CC2D2B: variants seen among roughly 807,000 people sequenced by gnomAD.
CC2D2B encodes the protein coiled-coil and C2 domain containing 2B.
In CC2D2B, 128 loss-of-function variants were observed where a neutral mutation model predicts 161.2. The observed-to-expected ratio is 0.79, with a 90% CI of 0.69 to 0.92. The LOEUF is 0.92. Ranked by LOEUF, CC2D2B falls within the 40% of genes least tolerant of loss-of-function variation. The pLI is 0.00. For synonymous variants in CC2D2B, 391 were observed against 449.8 expected (o/e 0.87, Z 1.65); for missense variants, 1,173 against 1,375.1 (o/e 0.85, Z 2.32).
At chr10:95,989,574 C>T (rs2077868167) in intron 20 of CC2D2B, among the ~76,000 whole-genome samples, 1 of 152,176 alleles carries the variant, frequency 6.6e-6, no homozygotes, top group Non-Finnish European at 1.5e-5. Flanking sequence ...GAAAAGAGAA[C>T]ACATATCCTC....
rs762659987 is a variant in CC2D2B, at chr10:96,016,317, A to G, written c.3630+3A>G. The G allele has an allele frequency of 6.5e-7, 1 of 1,542,916 alleles. No individual in the cohort carries two copies. Among genetic ancestry groups the G allele is most frequent in the Non-Finnish European group, 9.0e-7 (1 of 1,115,094 alleles). ...TCTTGGGAACGTCAGTGTTAGAAGTAAGTGCTGGAGTTCATATTGAAATAA... is the reference window on the plus strand; with the variant it reads ...TCTTGGGAACGTCAGTGTTAGAAGTGAGTGCTGGAGTTCATATTGAAATAA... On this transcript the variant is annotated splice_donor_region_variant and intron_variant, in intron 30 of 34. Coordinates refer to ENST00000646931, the MANE Select transcript of CC2D2B (RefSeq NM_001349008.3).
intron 20 of CC2D2B, among the ~76,000 whole-genome samples, chr10:95,990,369 C>T (rs182243121): frequency 6.9e-4 from 105 of 152,170 alleles, no homozygotes; most frequent in African/African-American, 2.3e-3. Flanking sequence ...GACAAGGAAG[C>T]TAGCCATGGA....
chr10:96,027,237 G>C lies in CC2D2B; in HGVS notation c.3973G>C (p.Val1325Leu). The change falls in exon 34 of 35, where the codon GTG (valine) becomes CTG (leucine). Residue 1325 changes from valine to leucine, a missense_variant. Coordinates refer to ENST00000646931, the MANE Select transcript of CC2D2B (RefSeq NM_001349008.3). ...GATCGAAAGGACTCTGAAGAGTAAA[G>C]TGATGGAATGGCGACCTAAACACCC... is the stretch of plus-strand genomic sequence containing the variant. Reference protein sequence around the residue: ...NRIERTLKSKVMEWRPKHPTH... With the variant: ...NRIERTLKSKLMEWRPKHPTH... The C allele has an allele frequency of 1.3e-6, 2 of 1,546,086 alleles. No individual in the cohort carries two copies. The highest frequency in any genetic ancestry group is 2.4e-5 in the South Asian group (2 of 82,562).
At chr10:95,981,835 T>C in intron 17 of CC2D2B, 140 bp from the exon 18 acceptor site, 1 of 421,448 alleles carries the variant, frequency 2.4e-6, no homozygotes, top group Non-Finnish European at 4.0e-6. Flanking sequence ...TTCTATTCTA[T>C]CCATAAATAC....
chr10:95,966,199 T>C lies in CC2D2B; in HGVS notation c.1363T>C (p.Tyr455His), dbSNP rs1321898362. The change falls in exon 14 of 35, where the codon TAT becomes CAT. Residue 455 changes from tyrosine (Y) to histidine (H), a missense_variant. This residue lies in a region of CC2D2B where 277 missense variants were observed against 420.6 expected (regional missense o/e 0.66). Coordinates refer to ENST00000646931, the MANE Select transcript of CC2D2B (RefSeq NM_001349008.3). ...KNGKKLESLS[Y>H]LASDETEIER... ...ATTTTTTGATTTCTAGAGCCTCTCA[T>C]ATCTAGCTTCAGACGAAACAGAAAT... The C allele has an allele frequency of 7.5e-6, 9 of 1,207,404 alleles. No homozygotes were observed. Among genetic ancestry groups the C allele is most frequent in the Non-Finnish European group, 9.3e-6 (9 of 965,782 alleles). 74.8% of individuals were successfully genotyped at this position (1,207,404 alleles called of 1,614,324 possible). A position where few individuals can be genotyped will look rare whatever the true frequency, so the allele number is the denominator to read the frequency against.
intron 16 of CC2D2B, among the ~76,000 whole-genome samples, chr10:95,973,679 T>C (rs565281569): frequency 2.0e-5 from 3 of 151,914 alleles, no homozygotes; most frequent in African/African-American, 7.2e-5. Context: ...GCCAACATGG[T>C]AAAACCCCAT....
intron 20 of CC2D2B, among the ~76,000 whole-genome samples, chr10:95,989,224 C>CT (rs1288253727): frequency 6.6e-6 from 1 of 152,212 alleles, no homozygotes; most frequent in East Asian, 1.9e-4. Context: ...TCTTACTACC[C>CT]TGTGTGTCAC....
chr10:95,993,945 TGTATG>T, intron 22 of CC2D2B, among the ~76,000 whole-genome samples: 1 of 15,382 alleles, frequency 6.5e-5, no homozygotes, highest in East Asian at 3.7e-3. Context: ...TGTGTGTGTA[TGTATG>T]TGTATATATA....
chr10:95,921,747 C>T (rs1434352047), intron 2 of CC2D2B: 9 of 197,674 alleles, frequency 4.6e-5, no homozygotes, highest in East Asian at 2.1e-4. Context: ...TGTTCAATAA[C>T]GAGAACACAT....
At chr10:95,971,929 T>A (rs2077150917) in intron 15 of CC2D2B, 137 bp from the exon 16 acceptor site, 1 of 432,410 alleles carries the variant, frequency 2.3e-6, no homozygotes, top group African/African-American at 2.0e-5. Context: ...CTCATAATCA[T>A]GTGGATGAAA....
intron 15 of CC2D2B, among the ~76,000 whole-genome samples, chr10:95,971,186 C>G (rs540333676): frequency 6.6e-6 from 1 of 152,004 alleles, no homozygotes; most frequent in Non-Finnish European, 1.5e-5. Context: ...GTCAGGAGTT[C>G]GAGTTCAGCC....
rs74570765 is a variant in CC2D2B at position 96,022,943 on chromosome 10, A to G, written c.3889-1910A>G. 3.3e-5 allele frequency among the ~76,000 whole-genome samples: 5 copies of G among 152,336 alleles called. No homozygotes were observed. In the East Asian group the frequency reaches 7.7e-4, roughly 24 times the overall value. Reference sequence around the variant, plus strand: ...GAAGGGTGAGCAGGAGCTGGCCTAGATAAAAGTCAGGAATGAGAATGGTCC... The same window carrying G: ...GAAGGGTGAGCAGGAGCTGGCCTAGGTAAAAGTCAGGAATGAGAATGGTCC... On this transcript the variant is annotated intron_variant, in intron 32 of 34. Coordinates refer to ENST00000646931, the MANE Select transcript of CC2D2B (RefSeq NM_001349008.3).
intron 17 of CC2D2B, among the ~76,000 whole-genome samples, chr10:95,980,151 C>T (rs944103568): frequency 3.0e-5 from 4 of 133,662 alleles, no homozygotes; most frequent in Admixed American, 7.9e-5. Context: ...TAGAAATCTT[C>T]AATCGAAAAG....
chr10:96,018,528 A>G (rs1213556706), intron 30 of CC2D2B, among the ~76,000 whole-genome samples: 1 of 152,182 alleles, frequency 6.6e-6, no homozygotes, highest in East Asian at 1.9e-4. Context: ...ATTAGACAAA[A>G]GTGCCCTACC....
intron 33 of CC2D2B, among the ~76,000 whole-genome samples, chr10:96,025,611 T>G (rs1206884707): frequency 6.6e-6 from 1 of 152,146 alleles, no homozygotes; most frequent in Non-Finnish European, 1.5e-5. Flanking sequence ...TGACATCTGG[T>G]AAAAATGTCC....
At chr10:95,988,195 C>A in intron 19 of CC2D2B, 55 bp from the exon 20 acceptor site, 1 of 626,060 alleles carries the variant, frequency 1.6e-6, no homozygotes, top group South Asian at 8.1e-5. Context: ...TGCAATGTGT[C>A]ATATGTGAAC....
intron 24 of CC2D2B, among the ~76,000 whole-genome samples, chr10:96,003,511 C>G (rs1258750224): frequency 1.3e-5 from 2 of 151,816 alleles, no homozygotes; most frequent in Admixed American, 6.6e-5. Flanking sequence ...CTCCGCCTCC[C>G]GGGTTCAAGC....
At chr10:95,913,211 GTT>G (rs1298185779) in intron 2 of CC2D2B, among the ~76,000 whole-genome samples, 1 of 151,318 alleles carries the variant, frequency 6.6e-6, no homozygotes, top group Non-Finnish European at 1.5e-5. Context: ...AATATGCAAA[GTT>G]TTTCTTTCTG....
At chr10:96,002,046 T>C (rs752691578) in intron 24 of CC2D2B, among the ~76,000 whole-genome samples, 3 of 152,190 alleles carry the variant, frequency 2.0e-5, no homozygotes, top group Non-Finnish European at 4.4e-5. Flanking sequence ...TTGCAAATAT[T>C]TGGAATATTA....
Sources: allele counts gnomAD v4.1 joint callset (sites outside exome capture counted in the v4.1 genomes callset), GRCh38; gene constraint gnomAD v4.1.1; regional missense constraint gnomAD v4.1.1; transcripts MANE v1.5; gene names NCBI Gene and HGNC (gene_info 2026-07-23, HGNC 2026-07-21).